ADK: variants seen among roughly 807,000 people sequenced by gnomAD.
The protein encoded by ADK is N6,N6-dimethyladenosine kinase.
A neutral mutation model predicts 44.7 loss-of-function variants in ADK; 24 were observed. The observed-to-expected ratio is 0.54, with a 90% confidence interval of 0.39 to 0.76. The LOEUF is 0.76. ADK is among the 30% of genes least tolerant of loss of function. The probability of loss-of-function intolerance (pLI) is 0.00; values close to 1 mark genes in which losing one functional copy is unlikely to be tolerated. For synonymous variants in ADK, 128 were observed against 142.6 expected (o/e 0.90, Z 0.73); for missense variants, 321 against 425.1 (o/e 0.76, Z 2.15).
Position 74,512,205 on chromosome 10 carries a change from G to A in ADK, c.556-13051G>A, listed in dbSNP as rs1050622484. Among the ~76,000 whole-genome samples the A allele has an allele frequency of 2.6e-5, 4 of 151,936 alleles. No homozygotes were observed. The East Asian group carries it at 7.7e-4, about 29-fold the overall frequency. On this transcript the variant is annotated intron_variant, in intron 6 of 10. Coordinates refer to ENST00000539909, the MANE Select transcript of ADK (RefSeq NM_006721.4). ...GTTGGGTTCAGTTTGCTAGTATTTT[G>A]TTGTGGACTTTTGCATGTATGTTCA...
intron 6 of ADK, among the ~76,000 whole-genome samples, chr10:74,406,079 ACT>A (rs1393459316): frequency 6.6e-6 from 1 of 152,034 alleles, no homozygotes; most frequent in Non-Finnish European, 1.5e-5. Flanking sequence ...TATTCTGGAA[ACT>A]CTTGCAATAA....
In ADK at chr10:74,269,084, CAT is replaced by C. The variant is rs201989383; in HGVS notation, c.194+44494_194+44495del. Among the ~76,000 whole-genome samples the C allele has an allele frequency of 5.3e-4, 80 of 152,214 alleles. 1 individual carries two copies. In the East Asian group the frequency reaches 0.014, roughly 27 times the overall value. On this transcript the variant is annotated intron_variant, in intron 3 of 10. Transcript: ENST00000539909. ...ATATTCAAATTATATTTAAATGTAACATTAATTTTTCTATTAACATTCATCTT... is the reference window on the plus strand; with the variant it reads ...ATATTCAAATTATATTTAAATGTAACTAATTTTTCTATTAACATTCATCTT...
chr10:74,322,678 C>A (rs992585686), intron 4 of ADK, among the ~76,000 whole-genome samples: 5 of 151,920 alleles, frequency 3.3e-5, no homozygotes, highest in African/African-American at 4.8e-5. Context: ...ATCAGTATTT[C>A]ATTTTTTCCT....
At chr10:74,697,642 TAAAG>T (rs1856256178) in intron 10 of ADK, among the ~76,000 whole-genome samples, 1 of 152,180 alleles carries the variant, frequency 6.6e-6, no homozygotes, top group Admixed American at 6.5e-5. Flanking sequence ...AATGGACTCA[TAAAG>T]ACTTTGTTCA....
intron 4 of ADK, chr10:74,344,751 C>A: frequency 5.6e-6 from 1 of 179,698 alleles, no homozygotes; most frequent in South Asian, 1.3e-4. Flanking sequence ...TTGTCAGTCC[C>A]AAGAAATTCC....
At chr10:74,559,647 T>C (rs534997948) in intron 7 of ADK, among the ~76,000 whole-genome samples, 124 of 152,342 alleles carry the variant, frequency 8.1e-4, no homozygotes, top group Non-Finnish European at 1.5e-3. Flanking sequence ...AATCATATTC[T>C]CTGTTTAAAT....
intron 6 of ADK, among the ~76,000 whole-genome samples, chr10:74,446,168 C>A (rs1341201395): frequency 6.6e-6 from 1 of 151,926 alleles, no homozygotes; most frequent in African/African-American, 2.4e-5. Context: ...GATAATTTAT[C>A]TCTTTACTTA....
intron 7 of ADK, among the ~76,000 whole-genome samples, chr10:74,578,644 T>G (rs543230098): frequency 7.1e-4 from 108 of 152,246 alleles, no homozygotes; most frequent in Middle Eastern, 3.4e-3. Context: ...AATGTATTGA[T>G]TATACATTAT....
intron 4 of ADK, among the ~76,000 whole-genome samples, chr10:74,363,426 G>T (rs1416441540): frequency 6.6e-6 from 1 of 152,174 alleles, no homozygotes; most frequent in Admixed American, 6.5e-5. Context: ...ACCACCCTGG[G>T]ATCTGCTGTT....
chr10:74,272,425 A>C (rs1426055189), intron 3 of ADK, among the ~76,000 whole-genome samples: 1 of 151,878 alleles, frequency 6.6e-6, no homozygotes, highest in African/African-American at 2.4e-5. Context: ...ACAGGCGCGC[A>C]CTACCATGCC....
intron 7 of ADK, among the ~76,000 whole-genome samples, chr10:74,553,293 C>T (rs1310720743): frequency 1.4e-5 from 2 of 147,240 alleles, no homozygotes; most frequent in Non-Finnish European, 3.0e-5. Context: ...CTCCACCTCC[C>T]AGGTTCAAGC....
chr10:74,654,712 T>A (rs1854413598), intron 9 of ADK, among the ~76,000 whole-genome samples: 2 of 151,786 alleles, frequency 1.3e-5, no homozygotes, highest in Admixed American at 1.3e-4. Flanking sequence ...CTTGGGAGGC[T>A]GAGGCAGGAG....
chr10:74,634,666 C>T (rs1039757675), intron 9 of ADK, among the ~76,000 whole-genome samples: 6 of 151,190 alleles, frequency 4.0e-5, no homozygotes, highest in South Asian at 2.1e-4. Flanking sequence ...TGAACATGGC[C>T]GGGTGCAGTG....
At chr10:74,442,632 T>C (rs2133143058) in intron 6 of ADK, among the ~76,000 whole-genome samples, 1 of 152,084 alleles carries the variant, frequency 6.6e-6, no homozygotes, top group African/African-American at 2.4e-5. Context: ...GGCGACAGAG[T>C]GAGACTCTAT....
At chr10:74,556,821 T>C (rs1252258132) in intron 7 of ADK, among the ~76,000 whole-genome samples, 9 of 152,174 alleles carry the variant, frequency 5.9e-5, no homozygotes, top group Admixed American at 5.9e-4. Flanking sequence ...AGTTTATCTA[T>C]AGAAAAGGAC....
At chr10:74,662,048 GA>G (rs1489383372) in intron 9 of ADK, among the ~76,000 whole-genome samples, 8 of 152,204 alleles carry the variant, frequency 5.3e-5, no homozygotes, top group African/African-American at 1.9e-4. Flanking sequence ...AAAAATACCT[GA>G]TAATATTATA....
chr10:74,215,399 C>G (rs780438997), intron 2 of ADK, among the ~76,000 whole-genome samples: 1 of 152,270 alleles, frequency 6.6e-6, no homozygotes, highest in Middle Eastern at 3.4e-3. Flanking sequence ...CAACCTCCAT[C>G]TCCCAGGTTC....
At chr10:74,166,657 A>G (rs1226804299) in intron 1 of ADK, among the ~76,000 whole-genome samples, 2 of 147,870 alleles carry the variant, frequency 1.4e-5, no homozygotes, top group African/African-American at 5.0e-5. Context: ...ACTGCACTCC[A>G]GCCTGGGTGA....
At chr10:74,354,323 C>A (rs978457355) in intron 4 of ADK, among the ~76,000 whole-genome samples, 5 of 145,958 alleles carry the variant, frequency 3.4e-5, no homozygotes, top group Admixed American at 7.1e-5. Flanking sequence ...ATTCCAGTAA[C>A]TCTTTGAATT....
Sources: allele counts gnomAD v4.1 joint callset (sites outside exome capture counted in the v4.1 genomes callset), GRCh38; gene constraint gnomAD v4.1.1; transcripts MANE v1.5; gene names NCBI Gene and HGNC (gene_info 2026-07-23, HGNC 2026-07-21).